The following SLC38A11 variants were observed in gnomAD, a reference collection of about 807,000 sequenced individuals.
SLC38A11 encodes putative sodium-coupled neutral amino acid transporter 11.
Under a neutral mutation model 49.4 loss-of-function variants are expected in SLC38A11, and 51 were observed. The ratio of observed to expected loss-of-function variants is 1.03; its 90% CI spans 0.83 to 1.30. SLC38A11 has a LOEUF of 1.30. Ranked by LOEUF, SLC38A11 falls within the 50% of genes most tolerant of loss-of-function variation. SLC38A11 has a pLI of 0.00. For synonymous variants in SLC38A11, 203 were observed against 192.9 expected (o/e 1.05, Z -0.43); for missense variants, 574 against 556.2 (o/e 1.03, Z -0.32).
At chr2:164,922,821 A>G (rs931876617) in intron 7 of SLC38A11, among the ~76,000 whole-genome samples, 10 of 152,214 alleles carry the variant, frequency 6.6e-5, no homozygotes, top group Non-Finnish European at 1.5e-4. Context: ...CTGACTTCAA[A>G]CTATATTATG....
rs941834008 is a variant in SLC38A11, at chr2:164,898,809, A to G, written c.1096-79T>C. ...GGACAGCTTTTAAAAGCATTTACAA[A>G]ATGTGTTTTTCATGCACATGTTAAA... On this transcript the variant is annotated intron_variant, in intron 11 of 11. Coordinates refer to ENST00000685975, the MANE Select transcript of SLC38A11 (RefSeq NM_001351537.2). 4 of 1,420,006 alleles carry G rather than the reference A, an allele frequency of 2.8e-6. No individual in the cohort carries two copies. In the African/African-American group the frequency reaches 5.8e-5, roughly 20 times the overall value. 88.0% of individuals were successfully genotyped at this position (1,420,006 alleles called of 1,614,324 possible). A position where few individuals can be genotyped will look rare whatever the true frequency, so the allele number is the denominator to read the frequency against.
chr2:164,928,870 A>G (rs1408854365), intron 7 of SLC38A11, among the ~76,000 whole-genome samples: 1 of 152,122 alleles, frequency 6.6e-6, no homozygotes, highest in African/African-American at 2.4e-5. Flanking sequence ...TATTGTTTCA[A>G]AAGGACAAAG....
intron 7 of SLC38A11, among the ~76,000 whole-genome samples, chr2:164,917,012 C>G (rs919368473): frequency 2.0e-5 from 3 of 151,704 alleles, no homozygotes; most frequent in African/African-American, 7.3e-5. Context: ...ATATGTAAAA[C>G]TTCTGGAAGA....
chr2:164,955,389 C>T lies in SLC38A11; in HGVS notation c.-142G>A. The T allele has an allele frequency of 1.3e-6, 1 of 758,682 alleles. No individual in the cohort carries two copies. The allele number at this position is 758,682 out of a possible 1,614,324, so 47.0% of individuals were successfully genotyped here. Reference sequence around the variant, plus strand: ...GCAGGGAGCCAGTTCCACGGGCGCCCCCTGCTCCCTCGGCAGGCCGCGAGG... The same window carrying T: ...GCAGGGAGCCAGTTCCACGGGCGCCTCCTGCTCCCTCGGCAGGCCGCGAGG... On this transcript the variant is annotated 5_prime_UTR_variant, in exon 1 of 12. Coordinates refer to ENST00000685975, the MANE Select transcript of SLC38A11 (RefSeq NM_001351537.2).
At chr2:164,915,485 T>C in intron 8 of SLC38A11, 1 of 501,050 alleles carries the variant, frequency 2.0e-6, no homozygotes, top group Non-Finnish European at 3.5e-6. Flanking sequence ...CATGTTACTC[T>C]TGATATAAAC....
intron 11 of SLC38A11, among the ~76,000 whole-genome samples, chr2:164,899,394 C>G (rs1429357862): frequency 6.6e-6 from 1 of 152,150 alleles, no homozygotes; most frequent in East Asian, 1.9e-4. Context: ...TAAACCCAAC[C>G]TAAGGAGGAA....
At chr2:164,930,445 C>T (rs996343889) in intron 7 of SLC38A11, among the ~76,000 whole-genome samples, 3 of 151,458 alleles carry the variant, frequency 2.0e-5, no homozygotes, top group African/African-American at 7.3e-5. Context: ...AGAGAAACAA[C>T]ATCAACAAAA....
intron 9 of SLC38A11, among the ~76,000 whole-genome samples, chr2:164,913,560 A>AG (rs1311819921): frequency 5.9e-5 from 9 of 152,188 alleles, no homozygotes; most frequent in Non-Finnish European, 1.0e-4. Context: ...AATTACAGCT[A>AG]GGGGGAAAAC....
intron 11 of SLC38A11, among the ~76,000 whole-genome samples, chr2:164,903,396 A>C (rs575822340): frequency 2.0e-5 from 3 of 152,296 alleles, no homozygotes; most frequent in African/African-American, 7.2e-5. Context: ...TGGGTGTTCT[A>C]TTTATGTTAT....
chr2:164,936,836 A>G (rs1687405716), intron 7 of SLC38A11, among the ~76,000 whole-genome samples: 1 of 140,934 alleles, frequency 7.1e-6, no homozygotes, highest in South Asian at 2.7e-4. Context: ...TCAACATTTT[A>G]CCTCACCAAA....
At chr2:164,943,923 C>T (rs1014892916) in intron 5 of SLC38A11, among the ~76,000 whole-genome samples, 2 of 152,164 alleles carry the variant, frequency 1.3e-5, no homozygotes, top group African/African-American at 4.8e-5. Context: ...GTGGCACGAT[C>T]ACAGCTCACT....
chr2:164,938,631 T>C (rs1160376069), intron 6 of SLC38A11, among the ~76,000 whole-genome samples: 1 of 152,194 alleles, frequency 6.6e-6, no homozygotes, highest in Non-Finnish European at 1.5e-5. Flanking sequence ...GTCAGAATAC[T>C]TTGAAATATT....
In SLC38A11 at chr2:164,898,739, T is replaced by C; in HGVS notation, c.1096-9A>G. On this transcript the variant is annotated splice_polypyrimidine_tract_variant and intron_variant, in intron 11 of 11. Coordinates refer to ENST00000685975, the MANE Select transcript of SLC38A11 (RefSeq NM_001351537.2). The stretch of plus-strand genomic sequence containing the variant: ...GTTGCACAGAGCACACCCTGCATGT[T>C]GAAAACAAGAAACAAGATAATGTCA... 1 of 1,597,874 alleles carries C rather than the reference T, an allele frequency of 6.3e-7. No individual in the cohort carries two copies. The highest frequency in any genetic ancestry group is 8.5e-7 in the Non-Finnish European group (1 of 1,170,166).
intron 11 of SLC38A11, among the ~76,000 whole-genome samples, chr2:164,903,219 T>C (rs1684778342): frequency 6.6e-6 from 1 of 152,164 alleles, no homozygotes; most frequent in Non-Finnish European, 1.5e-5. Context: ...TCTGTGTGTG[T>C]TGTAGTCTTC....
chr2:164,918,254 G>A (rs1411438621), intron 7 of SLC38A11, among the ~76,000 whole-genome samples: 2 of 152,012 alleles, frequency 1.3e-5, no homozygotes, highest in African/African-American at 2.4e-5. Flanking sequence ...AAGGAATTAT[G>A]ACTACGAATA....
chr2:164,942,432 C>CAAAAA (rs138965956), intron 5 of SLC38A11, among the ~76,000 whole-genome samples: 4 of 103,456 alleles, frequency 3.9e-5, no homozygotes, highest in Admixed American at 1.1e-4. Flanking sequence ...GACTCTGTCT[C>CAAAAA]AAAAAAAAAA....
chr2:164,942,680 C>G (rs1040067911), intron 5 of SLC38A11, among the ~76,000 whole-genome samples: 1 of 152,158 alleles, frequency 6.6e-6, no homozygotes, highest in Admixed American at 6.5e-5. Flanking sequence ...CCTTAGCATT[C>G]TACCCACTCG....
At chr2:164,935,716 A>G (rs1379464823) in intron 7 of SLC38A11, among the ~76,000 whole-genome samples, 1 of 151,832 alleles carries the variant, frequency 6.6e-6, no homozygotes, top group Non-Finnish European at 1.5e-5. Context: ...ACAAAAAAAC[A>G]CTAATGCTAT....
chr2:164,942,441 A>AAC (rs1687841872), intron 5 of SLC38A11, among the ~76,000 whole-genome samples: 3 of 151,316 alleles, frequency 2.0e-5, no homozygotes, highest in African/African-American at 7.3e-5. Flanking sequence ...TCAAAAAAAA[A>AAC]AAAAAACAAA....
Sources: gnomAD v4.1 joint callset for allele counts (sites outside exome capture counted in the v4.1 genomes callset) on GRCh38, gnomAD v4.1.1 for gene constraint, MANE v1.5 for transcripts, NCBI Gene and HGNC (gene_info 2026-07-23, HGNC 2026-07-21) for gene names.